The following ANKRD17 variants were observed in gnomAD, a reference collection of about 807,000 sequenced individuals.
ANKRD17 encodes the protein ankyrin repeat domain 17, also known as ankyrin repeat domain-containing protein 17.
In ANKRD17, 19 loss-of-function variants were observed where a neutral mutation model predicts 229.7. That is an observed-to-expected ratio of 0.08 (90% CI 0.06 to 0.12). ANKRD17 has a LOEUF of 0.12. ANKRD17 is among the 10% of genes least tolerant of loss of function. ANKRD17 has a pLI of 1.00. For synonymous variants in ANKRD17, 1,112 were observed against 1,146.1 expected (o/e 0.97, Z 0.60); for missense variants, 2,176 against 3,176.8 (o/e 0.68, Z 7.57).
chr4:73,250,302 A>G lies in ANKRD17; in HGVS notation c.393+7974T>C, dbSNP rs142472805. ...CAAGCTTTGAGAAATTTCACCATAT[A>G]TCAAAATTGTTTATAAAGGCTGCGC... On this transcript the variant is annotated intron_variant, in intron 1 of 33. Coordinates refer to ENST00000358602, the MANE Select transcript of ANKRD17 (RefSeq NM_032217.5). Among the ~76,000 whole-genome samples, 352 of 152,180 alleles carry G rather than the reference A, an allele frequency of 2.3e-3. 3 individuals carry two copies. The highest frequency in any genetic ancestry group is 8.2e-3 in the African/African-American group (341 of 41,510).
chr4:73,094,627 AGTAT>A (rs1222180802), intron 27 of ANKRD17, among the ~76,000 whole-genome samples: 2 of 151,818 alleles, frequency 1.3e-5, no homozygotes, highest in East Asian at 1.9e-4. Context: ...GTGTTGCAAT[AGTAT>A]GTGTGTACAC....
At position 73,118,839 on chromosome 4, in the gene ANKRD17, A is replaced by G. The variant is rs779750024; in HGVS notation, c.4037T>C (p.Ile1346Thr). 6 of 1,610,350 alleles carry G rather than the reference A, an allele frequency of 3.7e-6. No individual in the cohort carries two copies. The African/African-American group carries it at 4.1e-5, about 11-fold the overall frequency. The part of the protein sequence containing the change: ...CELLIGRGAH[I>T]DVRNKKGNTP... Reference sequence around the variant, plus strand: ...GTTCCCCTTCTTGTTACGTACATCAATATGAGCTCCCCTAAAAACCAATGA... The same window carrying G: ...GTTCCCCTTCTTGTTACGTACATCAGTATGAGCTCCCCTAAAAACCAATGA... Residue 1346 changes from isoleucine (I) to threonine (T), a missense_variant, in exon 22 of 34, where the codon ATT becomes ACT. By Grantham distance (89) the Ile-to-Thr change is moderately conservative. Coordinates refer to ENST00000358602, the MANE Select transcript of ANKRD17 (RefSeq NM_032217.5).
chr4:73,218,025 T>C (rs1741319289), intron 1 of ANKRD17, among the ~76,000 whole-genome samples: 1 of 152,176 alleles, frequency 6.6e-6, no homozygotes, highest in Non-Finnish European at 1.5e-5. Flanking sequence ...TATGTAAGTA[T>C]AAATGTGAAT....
intron 1 of ANKRD17, among the ~76,000 whole-genome samples, chr4:73,218,368 G>A (rs1023488551): frequency 6.6e-6 from 1 of 152,094 alleles, no homozygotes; most frequent in African/African-American, 2.4e-5. Context: ...GCAGAGGCCG[G>A]CTGCAGTGGC....
intron 29 of ANKRD17, among the ~76,000 whole-genome samples, chr4:73,085,832 A>G (rs1722065841): frequency 6.6e-6 from 1 of 151,380 alleles, no homozygotes; most frequent in Admixed American, 6.6e-5. Flanking sequence ...AAATTAAAAA[A>G]AAAAAAAAAT....
chr4:73,118,386 G>GT, intron 22 of ANKRD17, among the ~76,000 whole-genome samples: 1 of 151,822 alleles, frequency 6.6e-6, no homozygotes, highest in South Asian at 2.1e-4. Flanking sequence ...ACTTACTTAA[G>GT]TATCTTAACT....
At chr4:73,257,566 T>C (rs1042234167) in intron 1 of ANKRD17, among the ~76,000 whole-genome samples, 2 of 152,244 alleles carry the variant, frequency 1.3e-5, no homozygotes, top group African/African-American at 4.8e-5. Flanking sequence ...GGATCAAATA[T>C]ATTTTTCATC....
At chr4:73,102,352 G>A (rs775755856) in intron 25 of ANKRD17, 24 bp downstream of exon 25, 1 of 1,567,104 alleles carries the variant, frequency 6.4e-7, no homozygotes, top group South Asian at 1.2e-5. Context: ...TAAAACAAAT[G>A]GGATGGTTGT....
intron 1 of ANKRD17, among the ~76,000 whole-genome samples, chr4:73,179,559 G>A (rs1302951779): frequency 4.8e-5 from 6 of 124,258 alleles, no homozygotes; most frequent in African/African-American, 1.5e-4. Flanking sequence ...TAGTCTCACT[G>A]TGTTGCCCAA....
At position 73,212,173 on chromosome 4, in the gene ANKRD17, G is replaced by A. The variant is rs542178638; in HGVS notation, c.394-34640C>T. Among the ~76,000 whole-genome samples, 14 of 152,122 alleles carry A rather than the reference G, an allele frequency of 9.2e-5. No individual in the cohort carries two copies. The East Asian group carries it at 1.7e-3, about 19-fold the overall frequency. ...GGGTGGCGATTCTTTCACTGTACAA[G>A]AATAACTCAAAATGAAAAACCAGCA... On this transcript the variant is annotated intron_variant, in intron 1 of 33. Coordinates refer to ENST00000358602, the MANE Select transcript of ANKRD17 (RefSeq NM_032217.5).
intron 1 of ANKRD17, among the ~76,000 whole-genome samples, chr4:73,217,866 T>C (rs1481559729): frequency 1.3e-5 from 2 of 152,200 alleles, no homozygotes; most frequent in East Asian, 1.9e-4. Context: ...CCCCAAGTTA[T>C]CTTTACATAT....
chr4:73,076,865 G>A lies in ANKRD17; in HGVS notation c.7752+75C>T, dbSNP rs983775464. 11 of 1,490,122 alleles carry A rather than the reference G, an allele frequency of 7.4e-6. No homozygotes were observed. In the African/African-American group the frequency reaches 1.4e-4, roughly 19 times the overall value. The allele number at this position is 1,490,122 out of a possible 1,614,324, so 92.3% of individuals were successfully genotyped here. On this transcript the variant is annotated intron_variant, in intron 33 of 33. Transcript: ENST00000358602. The stretch of plus-strand genomic sequence containing the variant: ...TCACCAAACTCTCTTGCTATCATGA[G>A]TTACCTGAATCCTATTTGTCTTTGC...
At chr4:73,144,043 CTCTT>C (rs1460801124) in intron 11 of ANKRD17, among the ~76,000 whole-genome samples, 1 of 152,280 alleles carries the variant, frequency 6.6e-6, no homozygotes, top group Admixed American at 6.5e-5. Flanking sequence ...ACCTGGCTTC[CTCTT>C]TCTTTTATCA....
chr4:73,250,688 TTTG>T lies in ANKRD17; in HGVS notation c.393+7585_393+7587del, dbSNP rs537285641. 1.3e-3 allele frequency among the ~76,000 whole-genome samples: 190 copies of T among 148,644 alleles called. No homozygotes were observed. The South Asian group carries it at 0.017, about 14-fold the overall frequency. On this transcript the variant is annotated intron_variant, in intron 1 of 33. Transcript: ENST00000358602. ...GAATTCCTCAAGTACTGTAACGGTTTTTGTTGTTGTTGTTGTTGTTGTTGTTGT... is the reference window on the plus strand; with the variant it reads ...GAATTCCTCAAGTACTGTAACGGTTTTTGTTGTTGTTGTTGTTGTTGTTGT...
chr4:73,205,662 C>T (rs1739347019), intron 1 of ANKRD17, among the ~76,000 whole-genome samples: 1 of 152,134 alleles, frequency 6.6e-6, no homozygotes, highest in African/African-American at 2.4e-5. Flanking sequence ...AGGGGAAAAG[C>T]TCCATGACAC....
At chr4:73,108,806 G>A (rs1375729650) in intron 24 of ANKRD17, among the ~76,000 whole-genome samples, 1 of 152,154 alleles carries the variant, frequency 6.6e-6, no homozygotes, top group Non-Finnish European at 1.5e-5. Context: ...AAATGGGTCT[G>A]TAGCTAAAAG....
intron 1 of ANKRD17, among the ~76,000 whole-genome samples, chr4:73,182,341 T>G (rs953136403): frequency 6.6e-6 from 1 of 152,108 alleles, no homozygotes. Context: ...GCAAGAGGCG[T>G]AGAAATCACC....
At chr4:73,206,076 A>T (rs1286595206) in intron 1 of ANKRD17, among the ~76,000 whole-genome samples, 1 of 152,206 alleles carries the variant, frequency 6.6e-6, no homozygotes, top group Non-Finnish European at 1.5e-5. Context: ...GAAAAAGACA[A>T]AAGATAGCAA....
intron 2 of ANKRD17, among the ~76,000 whole-genome samples, chr4:73,172,706 T>C (rs967439838): frequency 6.6e-6 from 1 of 152,178 alleles, no homozygotes; most frequent in Non-Finnish European, 1.5e-5. Flanking sequence ...TTTTACCTTG[T>C]TAAATTTGTT....
Sources: gnomAD v4.1 joint callset for allele counts (sites outside exome capture counted in the v4.1 genomes callset) on GRCh38, gnomAD v4.1.1 for gene constraint, MANE v1.5 for transcripts, NCBI Gene and HGNC (gene_info 2026-07-23, HGNC 2026-07-21) for gene names.